The following ZNF333 variants were observed in gnomAD, a reference collection of about 807,000 sequenced individuals.
ZNF333 encodes zinc finger protein 333.
Under a neutral mutation model 76.1 loss-of-function variants are expected in ZNF333, and 61 were observed. The observed-to-expected ratio is 0.80, with a 90% CI of 0.65 to 0.99. The LOEUF (loss-of-function observed/expected upper bound fraction) is 0.99, where lower values mean the gene tolerates loss of function less well. Ranked by LOEUF, ZNF333 falls within the 50% of genes least tolerant of loss-of-function variation. ZNF333 has a pLI of 0.00. For synonymous variants in ZNF333, 284 were observed against 305.0 expected (o/e 0.93, Z 0.72); for missense variants, 717 against 822.4 (o/e 0.87, Z 1.57).
At chr19:14,709,848 C>G (rs1341721612) in intron 7 of ZNF333, among the ~76,000 whole-genome samples, 1 of 152,184 alleles carries the variant, frequency 6.6e-6, no homozygotes, top group Middle Eastern at 3.2e-3. Flanking sequence ...TCACCTAGCG[C>G]ATGGTATTTT....
intron 11 of ZNF333, among the ~76,000 whole-genome samples, chr19:14,728,956 C>T (rs563743474): frequency 1.1e-4 from 17 of 152,194 alleles, no homozygotes; most frequent in African/African-American, 2.9e-4. Flanking sequence ...TGGCTACTTG[C>T]GAATATTTCT....
intron 5 of ZNF333, among the ~76,000 whole-genome samples, chr19:14,702,832 C>G (rs532791058): frequency 6.6e-6 from 1 of 152,130 alleles, no homozygotes; most frequent in Non-Finnish European, 1.5e-5. Context: ...AACATGGCGG[C>G]AGGGGACGCA....
chr19:14,728,050 A>G (rs183084979), intron 11 of ZNF333, among the ~76,000 whole-genome samples: 2 of 152,136 alleles, frequency 1.3e-5, no homozygotes, highest in Non-Finnish European at 2.9e-5. Context: ...GTGAAACCCC[A>G]TCTCTACTGA....
intron 5 of ZNF333, among the ~76,000 whole-genome samples, chr19:14,700,006 CT>C (rs1004170852): frequency 2.0e-5 from 3 of 151,656 alleles, no homozygotes; most frequent in Non-Finnish European, 2.9e-5. Flanking sequence ...TCATTCACCT[CT>C]TTTTTTGGTT....
At chr19:14,703,280 T>C (rs957667467) in intron 5 of ZNF333, among the ~76,000 whole-genome samples, 5 of 150,610 alleles carry the variant, frequency 3.3e-5, no homozygotes, top group African/African-American at 1.2e-4. Context: ...TGGGGGTAAC[T>C]GCCTCCATGA....
At position 14,690,118 on chromosome 19, in the gene ZNF333, G is replaced by C. The variant is rs1297877462; in HGVS notation, c.-74G>C. 1.3e-5 allele frequency: 2 copies of C among 151,578 alleles called. No homozygotes were observed. Among genetic ancestry groups the C allele is most frequent in the Non-Finnish European group, 2.9e-5 (2 of 67,948 alleles). The allele number at this position is 151,578 out of a possible 1,614,324, so 9.4% of individuals were successfully genotyped here. A position where few individuals can be genotyped will look rare whatever the true frequency, so the allele number is the denominator to read the frequency against. On this transcript the variant is annotated 5_prime_UTR_variant, in exon 1 of 12. Coordinates refer to ENST00000292530, the MANE Select transcript of ZNF333 (RefSeq NM_032433.4). ...TGCGCGGCGCGGCGCGGTGCGGCACGGCACGGTGGGAGTGTCTCCGGCTGG... is the reference window on the plus strand; with the variant it reads ...TGCGCGGCGCGGCGCGGTGCGGCACCGCACGGTGGGAGTGTCTCCGGCTGG...
At chr19:14,706,619 G>T in intron 6 of ZNF333, 67 bp from the exon 7 acceptor site, 1 of 1,198,580 alleles carries the variant, frequency 8.3e-7, no homozygotes, top group South Asian at 1.2e-5. Context: ...TTCATTTGGG[G>T]TGAGCAGGTG....
chr19:14,727,082 C>T (rs1198134263), intron 11 of ZNF333, among the ~76,000 whole-genome samples: 2 of 124,896 alleles, frequency 1.6e-5, no homozygotes, highest in Non-Finnish European at 3.1e-5. Context: ...CCAGACAGTG[C>T]AGTGGCGCAA....
intron 9 of ZNF333, 51 bp from the exon 10 acceptor site, chr19:14,716,943 T>G: frequency 6.6e-7 from 1 of 1,512,070 alleles, no homozygotes; most frequent in Non-Finnish European, 9.1e-7. Context: ...GGCCCTGGTG[T>G]CAGGGCATGG....
chr19:14,706,662 T>G, intron 6 of ZNF333, 24 bp from the exon 7 acceptor site: 1 of 1,609,540 alleles, frequency 6.2e-7, no homozygotes, highest in Non-Finnish European at 8.5e-7. Flanking sequence ...GACTCTAATC[T>G]GTGACCCCTG....
At chr19:14,695,243 C>T in intron 3 of ZNF333, 110 bp downstream of exon 3, 1 of 1,411,444 alleles carries the variant, frequency 7.1e-7, no homozygotes, top group Non-Finnish European at 9.5e-7. Flanking sequence ...CACTTAGCGT[C>T]CACAGGATGA....
At chr19:14,717,792 C>G in intron 11 of ZNF333, 59 bp downstream of exon 11, 7 of 1,543,420 alleles carry the variant, frequency 4.5e-6, no homozygotes, top group Non-Finnish European at 6.2e-6. Context: ...TGGGGTTAAC[C>G]GTAAGTTAGA....
At chr19:14,703,325 T>TA (rs2042017083) in intron 5 of ZNF333, among the ~76,000 whole-genome samples, 1 of 151,376 alleles carries the variant, frequency 6.6e-6, no homozygotes, top group Non-Finnish European at 1.5e-5. Flanking sequence ...TCCCATGACA[T>TA]ACGGGGATTA....
At chr19:14,704,123 A>G (rs2042043247) in intron 5 of ZNF333, among the ~76,000 whole-genome samples, 1 of 151,930 alleles carries the variant, frequency 6.6e-6, no homozygotes, top group Admixed American at 6.6e-5. Context: ...ACACCTTTCT[A>G]TAGTGAAATG....
chr19:14,695,605 G>A lies in ZNF333; in HGVS notation c.167G>A (p.Gly56Glu). Residue 56 changes from glycine to glutamate, a missense_variant, in exon 4 of 12, where the codon GGG (glycine) becomes GAG (glutamate). By Grantham distance (98) the Gly-to-Glu change is moderately conservative. Transcript: ENST00000292530. Reference sequence around the variant, plus strand: ...AAACCCAGTTGTGTCTCCCAGCTGGGGCAAAGAGCAGAGCCAAAGGCAACA... The same window carrying A: ...AAACCCAGTTGTGTCTCCCAGCTGGAGCAAAGAGCAGAGCCAAAGGCAACA... Reference protein sequence around the residue: ...PCKPSCVSQLGQRAEPKATER... With the variant: ...PCKPSCVSQLEQRAEPKATER... 1.2e-6 allele frequency: 2 copies of A among 1,614,128 alleles called. No homozygotes were observed. The highest frequency in any genetic ancestry group is 8.5e-7 in the Non-Finnish European group (1 of 1,180,042).
At chr19:14,702,829 C>T (rs533152453) in intron 5 of ZNF333, among the ~76,000 whole-genome samples, 10 of 152,074 alleles carry the variant, frequency 6.6e-5, no homozygotes, top group South Asian at 2.1e-4. Flanking sequence ...TACAACATGG[C>T]GGCAGGGGAC....
intron 2 of ZNF333, 136 bp downstream of exon 2, chr19:14,693,630 A>G: frequency 5.5e-6 from 6 of 1,099,430 alleles, no homozygotes; most frequent in Non-Finnish European, 7.6e-6. Flanking sequence ...GAGCATCCTC[A>G]TCCCTGCCCT....
At chr19:14,727,024 CTTTTTT>C (rs33936016) in intron 11 of ZNF333, among the ~76,000 whole-genome samples, 2 of 70,098 alleles carry the variant, frequency 2.9e-5, no homozygotes, top group Non-Finnish European at 4.9e-5. Context: ...AGAAAAGAGG[CTTTTTT>C]TTTTTTTTTT....
intron 11 of ZNF333, 75 bp from the exon 12 acceptor site, chr19:14,718,153 C>T: frequency 1.3e-6 from 2 of 1,520,610 alleles, no homozygotes; most frequent in Non-Finnish European, 8.8e-7. Context: ...CTTTTTCTTA[C>T]ATTCATTTCA....
Sources: gnomAD v4.1 joint callset for allele counts (sites outside exome capture counted in the v4.1 genomes callset) on GRCh38, gnomAD v4.1.1 for gene constraint, MANE v1.5 for transcripts, NCBI Gene and HGNC (gene_info 2026-07-23, HGNC 2026-07-21) for gene names.